CRAMP1: variants seen among roughly 807,000 people sequenced by gnomAD.
CRAMP1 encodes protein cramped-like.
Under a neutral mutation model 115.4 loss-of-function variants are expected in CRAMP1, and 50 were observed. The observed-to-expected ratio is 0.43, with a 90% CI of 0.35 to 0.55. The LOEUF is 0.55. Ranked by LOEUF, CRAMP1 falls within the 20% of genes least tolerant of loss-of-function variation. The pLI is 0.01. For missense variants in CRAMP1, 1,679 were observed against 1,721.7 expected, an observed-to-expected ratio of 0.98 and a Z score of 0.44; for synonymous variants, 866 against 745.4, an observed-to-expected ratio of 1.16 and a Z score of -2.64.
chr16:1,661,634 C>T (rs1267186425), intron 11 of CRAMP1, among the ~76,000 whole-genome samples: 6 of 144,314 alleles, frequency 4.2e-5, no homozygotes, highest in Non-Finnish European at 6.0e-5. Context: ...CTCGCTCTGT[C>T]GCCCAGGCTG....
At position 1,614,911 on chromosome 16, in the gene CRAMP1, G is replaced by T; in HGVS notation, c.272G>T (p.Ser91Ile). The T allele has an allele frequency of 7.6e-7, 1 of 1,317,476 alleles. No individual in the cohort carries two copies. The highest frequency in any genetic ancestry group is 9.7e-7 in the Non-Finnish European group (1 of 1,033,076). The allele number at this position is 1,317,476 out of a possible 1,614,324, so 81.6% of individuals were successfully genotyped here. ...CTCCGGTCCAGCGTGCGGCCGCAGA[G>T]CAAGAGGCCCAGGAAGGATCCTCCG... ...HFLRSSVRPQ[S>I]KRPRKDPPSA... Residue 91 changes from serine (S) to isoleucine (I), a missense_variant, in exon 2 of 21, where the codon AGC becomes ATC. Transcript: ENST00000397412. The surrounding 1 kb of genome is among the most constrained non-coding windows in gnomAD (Gnocchi z 4.4).
rs759698106 is a variant in CRAMP1 at position 1,666,463 on chromosome 16, G to A, written c.2899G>A (p.Gly967Arg). 10 of 1,613,670 alleles carry A rather than the reference G, an allele frequency of 6.2e-6. No individual in the cohort carries two copies. The highest frequency in any genetic ancestry group is 1.1e-5 in the South Asian group (1 of 91,044). Residue 967 changes from glycine (G) to arginine (R), a missense_variant, in exon 16 of 21, where the codon GGG becomes AGG. By Grantham distance (125) the Gly-to-Arg change is moderately radical. Around this residue, in one of 8 missense-constraint regions of CRAMP1, gnomAD observed 709 missense variants for 741.9 expected, o/e 0.96. Coordinates refer to ENST00000397412, the MANE Select transcript of CRAMP1 (RefSeq NM_020825.4). This position sits in a 1 kb window ranked among gnomAD's most constrained non-coding sequence, Gnocchi z 5.0. ...AGCTACAAGTGCCGGCATCCTTTCC[G>A]GGAACCCCCTCCCTGCCTTGGACAC... ...LAATSAGILS[G>R]NPLPALDTEG...
At chr16:1,629,447 G>C (rs902764141) in intron 3 of CRAMP1, among the ~76,000 whole-genome samples, 16 of 152,218 alleles carry the variant, frequency 1.1e-4, no homozygotes, top group African/African-American at 3.6e-4. Context: ...CTTGACTCAG[G>C]ACAGAGCACT....
At chr16:1,625,873 G>A in intron 2 of CRAMP1, 100 bp from the exon 3 acceptor site, 1 of 1,196,468 alleles carries the variant, frequency 8.4e-7, no homozygotes, top group East Asian at 2.6e-5. Context: ...GTGTGGAGTG[G>A]GACCTCAGGG....
In CRAMP1 at chr16:1,614,090, G is replaced by A. The variant is rs2036392680; in HGVS notation, c.-1-549G>A. On this transcript the variant is annotated intron_variant, in intron 1 of 20. Coordinates refer to ENST00000397412, the MANE Select transcript of CRAMP1 (RefSeq NM_020825.4). The surrounding 1 kb of genome is among the most constrained non-coding windows in gnomAD (Gnocchi z 4.4). ...GCCGGCGCGTGGGGCAGGTGCGCGGGGCCCGGGAGCCCCGCGCCTTTCGGG... is the reference window on the plus strand; with the variant it reads ...GCCGGCGCGTGGGGCAGGTGCGCGGAGCCCGGGAGCCCCGCGCCTTTCGGG... Among the ~76,000 whole-genome samples the A allele has an allele frequency of 7.0e-6, 1 of 143,586 alleles. No individual in the cohort carries two copies. Among genetic ancestry groups the A allele is most frequent in the Non-Finnish European group, 1.5e-5 (1 of 64,656 alleles). The allele number at this position is 143,586 out of a possible 152,430, so 94.2% of individuals were successfully genotyped here.
intron 6 of CRAMP1, among the ~76,000 whole-genome samples, chr16:1,641,998 G>C (rs2142186671): frequency 6.6e-6 from 1 of 152,264 alleles, no homozygotes; most frequent in East Asian, 1.9e-4. Flanking sequence ...GGTCCTCATG[G>C]GTAGCCATCC....
At chr16:1,622,579 G>C (rs1466101257) in intron 2 of CRAMP1, among the ~76,000 whole-genome samples, 1 of 152,066 alleles carries the variant, frequency 6.6e-6, no homozygotes, top group Non-Finnish European at 1.5e-5. Flanking sequence ...GTTACTTGGG[G>C]CGATTTGCTT....
intron 2 of CRAMP1, among the ~76,000 whole-genome samples, chr16:1,622,882 A>T (rs529657067): frequency 1.3e-5 from 2 of 149,934 alleles, no homozygotes; most frequent in Non-Finnish European, 3.0e-5. Flanking sequence ...CTGTCTCAGT[A>T]TCTGGAGTAG....
intron 13 of CRAMP1, among the ~76,000 whole-genome samples, chr16:1,664,218 G>T (rs1382552807): frequency 6.6e-6 from 1 of 152,204 alleles, no homozygotes; most frequent in East Asian, 1.9e-4. Context: ...TTTCAGTGAT[G>T]AACACGGTTT....
intron 2 of CRAMP1, among the ~76,000 whole-genome samples, chr16:1,619,908 T>C (rs930242338): frequency 3.3e-5 from 5 of 151,960 alleles, no homozygotes; most frequent in African/African-American, 1.2e-4. Flanking sequence ...ACGCCTGGAG[T>C]GTGGACCAGA....
intron 14 of CRAMP1, 181 bp from the exon 15 acceptor site, chr16:1,665,892 T>C (rs754121648): frequency 3.4e-6 from 2 of 592,144 alleles, no homozygotes; most frequent in Non-Finnish European, 6.1e-6. Context: ...TTGTGTCACG[T>C]TGGGGGCCTG....
At chr16:1,624,295 C>T (rs533238922) in intron 2 of CRAMP1, among the ~76,000 whole-genome samples, 35 of 152,180 alleles carry the variant, frequency 2.3e-4, no homozygotes, top group African/African-American at 7.5e-4. Context: ...CTCTAGCCTG[C>T]GTGTGGCTGC....
At chr16:1,621,980 T>C (rs1466149865) in intron 2 of CRAMP1, among the ~76,000 whole-genome samples, 3 of 152,182 alleles carry the variant, frequency 2.0e-5, no homozygotes, top group Non-Finnish European at 2.9e-5. Context: ...GTCTTCCCCT[T>C]CAGTCATCAC....
chr16:1,630,040 G>T (rs2036537462), intron 3 of CRAMP1, among the ~76,000 whole-genome samples: 1 of 152,108 alleles, frequency 6.6e-6, no homozygotes, highest in South Asian at 2.1e-4. Flanking sequence ...AGGTGGACAG[G>T]GTTGGGGGCC....
At chr16:1,648,114 T>C (rs940912337) in intron 6 of CRAMP1, among the ~76,000 whole-genome samples, 6 of 151,196 alleles carry the variant, frequency 4.0e-5, no homozygotes, top group African/African-American at 9.7e-5. Flanking sequence ...CTTAGTTTGA[T>C]TGAAGGAAAA....
At position 1,614,936 on chromosome 16, in the gene CRAMP1, G is replaced by A; in HGVS notation, c.297G>A (p.Pro99=). The change falls in exon 2 of 21, where the codon CCG becomes CCA. Residue 99 remains proline, a synonymous_variant. Transcript: ENST00000397412. The surrounding 1 kb of genome is among the most constrained non-coding windows in gnomAD (Gnocchi z 4.4). The stretch of plus-strand genomic sequence containing the variant: ...GCAAGAGGCCCAGGAAGGATCCTCC[G>A]AGCGCTGTGGGGAGCGGCAACGCCG... The part of the protein sequence containing the change: ...PQSKRPRKDP[P]SAVGSGNAGG... The A allele has an allele frequency of 1.6e-6, 2 of 1,275,520 alleles. No homozygotes were observed. Among genetic ancestry groups the A allele is most frequent in the South Asian group, 6.6e-5 (2 of 30,146 alleles). The allele number at this position is 1,275,520 out of a possible 1,614,324, so 79.0% of individuals were successfully genotyped here. A position where few individuals can be genotyped will look rare whatever the true frequency, so the allele number is the denominator to read the frequency against.
rs562635520 is a variant in CRAMP1 at position 1,620,053 on chromosome 16, C to T, written c.346+5068C>T. On this transcript the variant is annotated intron_variant, in intron 2 of 20. Transcript: ENST00000397412. The stretch of plus-strand genomic sequence containing the variant: ...GGGTAGGGGAGGCTCAGAACTCATC[C>T]GAGATGACACCTTGCCTGCGGCTTG... 4.6e-5 allele frequency among the ~76,000 whole-genome samples: 7 copies of T among 152,284 alleles called. No homozygotes were observed. The South Asian group carries it at 6.2e-4, about 14-fold the overall frequency.
Position 1,626,172 on chromosome 16 carries a change from T to C in CRAMP1, c.540+6T>C, listed in dbSNP as rs1244206620. ...TCTTCGAGGGGCTGTACGAGGTGAG[T>C]AGGCTGTGGAGGCACGGCCAGGCAG... On this transcript the variant is annotated splice_donor_region_variant and intron_variant, in intron 3 of 20. Transcript: ENST00000397412. The C allele has an allele frequency of 6.7e-7, 1 of 1,492,052 alleles. No homozygotes were observed. The highest frequency in any genetic ancestry group is 2.5e-5 in the East Asian group (1 of 39,492). 92.4% of individuals were successfully genotyped at this position (1,492,052 alleles called of 1,614,324 possible).
chr16:1,632,398 C>T, intron 4 of CRAMP1, 33 bp downstream of exon 4: 1 of 1,557,900 alleles, frequency 6.4e-7, no homozygotes, highest in Non-Finnish European at 8.7e-7. Context: ...TCGGGGGTGC[C>T]CACAGGCAGG....
Sources: gnomAD v4.1 joint callset for allele counts (sites outside exome capture counted in the v4.1 genomes callset) on GRCh38, gnomAD v4.1.1 for gene constraint, gnomAD v4.1.1 regional missense constraint, Gnocchi (gnomAD v3.1) non-coding constraint, MANE v1.5 for transcripts, NCBI Gene and HGNC (gene_info 2026-07-23, HGNC 2026-07-21) for gene names.